Variants in DENND3 observed in about 807,000 individuals in gnomAD.
The protein encoded by DENND3 is DENN domain-containing protein 3.
A neutral mutation model predicts 135.1 loss-of-function variants in DENND3; 88 were observed. The observed-to-expected ratio is 0.65, with a 90% confidence interval of 0.55 to 0.78. The LOEUF (loss-of-function observed/expected upper bound fraction) is 0.78, where lower values mean the gene tolerates loss of function less well. DENND3 is among the 30% of genes least tolerant of loss of function. The pLI is 0.00. For missense variants in DENND3, 1,392 were observed against 1,688.4 expected, an observed-to-expected ratio of 0.82 and a Z score of 3.08; for synonymous variants, 693 against 712.3, an observed-to-expected ratio of 0.97 and a Z score of 0.43.
chr8:141,182,187 C>A lies in DENND3; in HGVS notation c.2944+1333C>A. ...TCAGGGATGCAGATGTAGGTGTCAC[C>A]CCCTCTCACAGGCCATGTCCGCGGC... On this transcript the variant is annotated intron_variant, in intron 17 of 22. Transcript: ENST00000519811. The surrounding 1 kb of genome is among the most constrained non-coding windows in gnomAD (Gnocchi z 5.9). 2.5e-6 allele frequency: 1 copy of A among 400,592 alleles called. No homozygotes were observed. The highest frequency in any genetic ancestry group is 3.4e-6 in the Non-Finnish European group (1 of 295,372). 24.8% of individuals were successfully genotyped at this position (400,592 alleles called of 1,614,324 possible). A position where few individuals can be genotyped will look rare whatever the true frequency, so the allele number is the denominator to read the frequency against.
chr8:141,175,265 G>A lies in DENND3; in HGVS notation c.2341G>A (p.Ala781Thr). The change falls in exon 14 of 23, where the codon GCA (alanine) becomes ACA (threonine). Residue 781 changes from alanine to threonine, a missense_variant. Transcript: ENST00000519811. The surrounding 1 kb of genome is among the most constrained non-coding windows in gnomAD (Gnocchi z 5.4). ...CTACAACTGCTGGAAGGAGACGGAAGCAGAAGCCCAGGAGGTCAGTCTGCC... is the reference window on the plus strand; with the variant it reads ...CTACAACTGCTGGAAGGAGACGGAAACAGAAGCCCAGGAGGTCAGTCTGCC... ...DFYNCWKETE[A>T]EAQEVSLPWL... 6.2e-7 allele frequency: 1 copy of A among 1,614,248 alleles called. No individual in the cohort carries two copies. Among genetic ancestry groups the A allele is most frequent in the Middle Eastern group, 1.6e-4 (1 of 6,062 alleles).
At position 141,166,745 on chromosome 8, in the gene DENND3, T is replaced by G. The variant is rs1257866618; in HGVS notation, c.1753+356T>G. Among the ~76,000 whole-genome samples, 1 of 152,170 alleles carries G rather than the reference T, an allele frequency of 6.6e-6. No individual in the cohort carries two copies. The highest frequency in any genetic ancestry group is 2.4e-5 in the African/African-American group (1 of 41,442). On this transcript the variant is annotated intron_variant, in intron 12 of 22. Transcript: ENST00000519811. The surrounding 1 kb of genome is among the most constrained non-coding windows in gnomAD (Gnocchi z 4.3). The stretch of plus-strand genomic sequence containing the variant: ...AGGAGGCAGGGAGCGCACCAGGCAC[T>G]TTCTAGAGCCGGAGCTGTGAAGGAG...
At position 141,136,420 on chromosome 8, in the gene DENND3, G is replaced by A. The variant is rs1816792292; in HGVS notation, c.103-89G>A. On this transcript the variant is annotated intron_variant, in intron 1 of 22. Coordinates refer to ENST00000519811, the MANE Select transcript of DENND3 (RefSeq NM_001352890.3). ...GTGTTTATGGGCACCGAGGGGAGGA[G>A]AAAAACAAGCAGTGAAGCTCAGACA... 2.2e-6 allele frequency: 3 copies of A among 1,356,696 alleles called. No individual in the cohort carries two copies. The African/African-American group carries it at 4.4e-5, about 20-fold the overall frequency. The allele number at this position is 1,356,696 out of a possible 1,614,324, so 84.0% of individuals were successfully genotyped here. A position where few individuals can be genotyped will look rare whatever the true frequency, so the allele number is the denominator to read the frequency against.
chr8:141,136,404 G>A (rs1816790398), intron 1 of DENND3, 105 bp from the exon 2 acceptor site: 1 of 1,218,646 alleles, frequency 8.2e-7, no homozygotes, highest in African/African-American at 1.5e-5. Context: ...AGTGTTTATG[G>A]GCACCGAGGG....
At position 141,155,953 on chromosome 8, in the gene DENND3, C is replaced by G. The variant is rs1819379789; in HGVS notation, c.1179C>G (p.Ala393=). The G allele has an allele frequency of 6.2e-7, 1 of 1,610,346 alleles. No homozygotes were observed. The highest frequency in any genetic ancestry group is 1.1e-5 in the South Asian group (1 of 90,374). ...TTCCTGATGTCCCCCTCCTGGCAGC[C>G]CAGACGTTTATTCAGAGGTAACGGG... ...VDIPDVPLLA[A]QTFIQRVQSL... The change falls in exon 8 of 23, where the codon GCC becomes GCG. Residue 393 remains alanine (A), a synonymous_variant. Transcript: ENST00000519811.
intron 4 of DENND3, among the ~76,000 whole-genome samples, chr8:141,143,698 A>G (rs1418747450): frequency 6.6e-6 from 1 of 152,096 alleles, no homozygotes; most frequent in East Asian, 1.9e-4. Context: ...GAGCCACCGC[A>G]CCCACCCCTC....
chr8:141,128,646 C>G lies in DENND3; in HGVS notation c.-62C>G, dbSNP rs1815455540. On this transcript the variant is annotated 5_prime_UTR_variant, in exon 1 of 23. Transcript: ENST00000519811. The surrounding 1 kb of genome is among the most constrained non-coding windows in gnomAD (Gnocchi z 4.5). ...GGCGGCGCGGCTGGTCCCCAGGGGT[C>G]TGCGGGCGACTGCGCGGCTGAGGCG... The G allele has an allele frequency of 8.8e-7, 1 of 1,130,154 alleles. No individual in the cohort carries two copies. The allele number at this position is 1,130,154 out of a possible 1,614,324, so 70.0% of individuals were successfully genotyped here.
intron 18 of DENND3, among the ~76,000 whole-genome samples, chr8:141,186,805 C>G (rs1189927500): frequency 5.3e-5 from 8 of 152,142 alleles, no homozygotes; most frequent in African/African-American, 1.7e-4. Context: ...TCCCTCCAGG[C>G]CCCCAGCGGC....
At position 141,163,408 on chromosome 8, in the gene DENND3, G is replaced by A. The variant is rs751612448; in HGVS notation, c.1428G>A (p.Gly476=). The change falls in exon 10 of 23, where the codon GGG becomes GGA. Residue 476 remains glycine (G), a synonymous_variant. Transcript: ENST00000519811. ...AATTTCTCAAAACCAGGGCTCCAGG[G>A]GACCATCAGTTTTATAAGCAGGTGA... ...SEEFLKTRAP[G]DHQFYKQVLD... The A allele has an allele frequency of 1.9e-6, 3 of 1,612,376 alleles. No homozygotes were observed. The highest frequency in any genetic ancestry group is 2.7e-5 in the African/African-American group (2 of 74,892).
In DENND3 at chr8:141,130,937, G is replaced by A. The variant is rs1038054257; in HGVS notation, c.102+2128G>A. Among the ~76,000 whole-genome samples, 7 of 151,962 alleles carry A rather than the reference G, an allele frequency of 4.6e-5. No homozygotes were observed. The highest frequency in any genetic ancestry group is 1.9e-4 in the East Asian group (1 of 5,192). ...CCTGACCTCACGATCTGCCCGCCTC[G>A]GCCTCCCAAAGTGTTGGGATTATAG... On this transcript the variant is annotated intron_variant, in intron 1 of 22. Transcript: ENST00000519811. The surrounding 1 kb of genome is among the most constrained non-coding windows in gnomAD (Gnocchi z 4.2).
intron 7 of DENND3, among the ~76,000 whole-genome samples, chr8:141,152,163 C>T (rs1395995494): frequency 1.3e-5 from 2 of 152,372 alleles, no homozygotes; most frequent in African/African-American, 4.8e-5. Flanking sequence ...GTGAATCTGA[C>T]ACAGCATGTT....
Position 141,175,332 on chromosome 8 carries a change from G to C in DENND3, c.2408G>C (p.Cys803Ser), listed in dbSNP as rs747960910. The change falls in exon 14 of 23, where the codon TGT becomes TCT. Residue 803 changes from cysteine (C) to serine (S), a missense_variant. Physicochemically the swap from Cys to Ser is moderately radical, Grantham distance 112 (BLOSUM62 -1). Coordinates refer to ENST00000519811, the MANE Select transcript of DENND3 (RefSeq NM_001352890.3). This position sits in a 1 kb window ranked among gnomAD's most constrained non-coding sequence, Gnocchi z 5.4. ...MEHLDKNECV[C>S]KLSSSVKTNL... The stretch of plus-strand genomic sequence containing the variant: ...CACCTGGATAAAAACGAGTGTGTGT[G>C]TAAGTTGTCCAGCTCCGTCAAGACA... 6.2e-7 allele frequency: 1 copy of C among 1,614,248 alleles called. No individual in the cohort carries two copies. The highest frequency in any genetic ancestry group is 8.5e-7 in the Non-Finnish European group (1 of 1,180,048).
chr8:141,174,749 CG>C lies in DENND3; in HGVS notation c.2276-449del, dbSNP rs1822106434. Among the ~76,000 whole-genome samples the C allele has an allele frequency of 1.3e-5, 2 of 152,150 alleles. No individual in the cohort carries two copies. The highest frequency in any genetic ancestry group is 2.9e-5 in the Non-Finnish European group (2 of 68,000). ...AGAGGCCGACCCAGTGGCAGGGCAG[CG>C]GCGCTAAGGATCCAACCTTCCCGGC... On this transcript the variant is annotated intron_variant, in intron 13 of 22. Transcript: ENST00000519811. The surrounding 1 kb of genome is among the most constrained non-coding windows in gnomAD (Gnocchi z 4.6).
In DENND3 at chr8:141,156,865, C is replaced by T. The variant is rs543625736; in HGVS notation, c.1196+895C>T. On this transcript the variant is annotated intron_variant, in intron 8 of 22. Transcript: ENST00000519811. Reference sequence around the variant, plus strand: ...GGAGTGCAGTGGCGCAATTTTGGCTCACTGCAACCTCTGCCTTCTGGGTTC... The same window carrying T: ...GGAGTGCAGTGGCGCAATTTTGGCTTACTGCAACCTCTGCCTTCTGGGTTC... Among the ~76,000 whole-genome samples the T allele has an allele frequency of 2.1e-5, 3 of 144,902 alleles. No individual in the cohort carries two copies. The South Asian group carries it at 6.5e-4, about 32-fold the overall frequency.
At chr8:141,189,875 C>T (rs1375646492) in intron 19 of DENND3, among the ~76,000 whole-genome samples, 1 of 152,222 alleles carries the variant, frequency 6.6e-6, no homozygotes, top group Admixed American at 6.5e-5. Flanking sequence ...CACCCGAGAG[C>T]TCTGAGGATC....
chr8:141,188,744 A>C, intron 18 of DENND3: 1 of 483,988 alleles, frequency 2.1e-6, no homozygotes, highest in Non-Finnish European at 3.6e-6. Context: ...GTTTCGTGTT[A>C]ATGAATCAAT....
rs548426597 is a variant in DENND3, at chr8:141,192,873, A to C, written c.3636+210A>C. 2.6e-6 allele frequency: 4 copies of C among 1,519,256 alleles called. No homozygotes were observed. In the Admixed American group the frequency reaches 7.9e-5, roughly 30 times the overall value. The allele number at this position is 1,519,256 out of a possible 1,614,324, so 94.1% of individuals were successfully genotyped here. A position where few individuals can be genotyped will look rare whatever the true frequency, so the allele number is the denominator to read the frequency against. On this transcript the variant is annotated intron_variant, in intron 22 of 22. Transcript: ENST00000519811. ...TTTCATGGTGTGGTCCAAGCACTCC[A>C]CAGCGCATTCCCCCAAACTGGATGG...
intron 8 of DENND3, among the ~76,000 whole-genome samples, chr8:141,160,195 TA>T (rs140440170): frequency 0.51 from 53,448 of 103,842 alleles, 10,882 homozygotes; most frequent in African/African-American, 0.61. Flanking sequence ...TTTTTTTTTT[TA>T]AGACAGAGTT....
Position 141,141,247 on chromosome 8 carries a change from T to C in DENND3, c.546T>C (p.Pro182=). 1.9e-6 allele frequency: 3 copies of C among 1,614,234 alleles called. No homozygotes were observed. The highest frequency in any genetic ancestry group is 2.5e-6 in the Non-Finnish European group (3 of 1,180,030). Residue 182 remains proline, a synonymous_variant, in exon 4 of 23, where the codon CCT becomes CCC. Transcript: ENST00000519811. This position sits in a 1 kb window ranked among gnomAD's most constrained non-coding sequence, Gnocchi z 5.3. Reference sequence around the variant, plus strand: ...ATGGCAAAACGCACCGGGAGTGTCCTGGCTGCTTCGTGCCCTTCGCGGTGT... The same window carrying C: ...ATGGCAAAACGCACCGGGAGTGTCCCGGCTGCTTCGTGCCCTTCGCGGTGT... The part of the protein sequence containing the change: ...FYNGKTHREC[P]GCFVPFAVCV...
Sources: gnomAD v4.1 joint callset for allele counts (sites outside exome capture counted in the v4.1 genomes callset) on GRCh38, gnomAD v4.1.1 for gene constraint, Gnocchi (gnomAD v3.1) non-coding constraint, MANE v1.5 for transcripts, NCBI Gene and HGNC (gene_info 2026-07-23, HGNC 2026-07-21) for gene names.